The following H2BK1 variants were observed in gnomAD, a reference collection of about 807,000 sequenced individuals.
H2BK1 encodes histone H2B type 2-K1.
At chr7:151,208,661 C>T in the H2BK1 span, among the ~76,000 whole-genome samples, 2 of 152,268 alleles carry the variant, frequency 1.3e-5, no homozygotes, top group East Asian at 3.9e-4. Flanking sequence ...TGGTGGAGCA[C>T]ATAACCAGTG....
the H2BK1 span, among the ~76,000 whole-genome samples, chr7:151,209,415 G>A: frequency 6.6e-6 from 1 of 152,278 alleles, no homozygotes; most frequent in African/African-American, 2.4e-5. Flanking sequence ...TAACAGAGGG[G>A]TAAGAGTTTC....
the H2BK1 span, chr7:151,210,338 C>G: frequency 2.5e-6 from 1 of 398,250 alleles, no homozygotes; most frequent in South Asian, 1.3e-4. Flanking sequence ...TCTCGAATAG[C>G]CCTCACCCAC....
chr7:151,208,308 T>C, the H2BK1 span, among the ~76,000 whole-genome samples: 9 of 152,328 alleles, frequency 5.9e-5, no homozygotes, highest in South Asian at 2.1e-4. Flanking sequence ...CTATGGTATA[T>C]CTAAGTTTTT....
chr7:151,208,513 T>G, the H2BK1 span, among the ~76,000 whole-genome samples: 2 of 152,184 alleles, frequency 1.3e-5, no homozygotes, highest in Admixed American at 1.3e-4. Flanking sequence ...TATTCAGGAT[T>G]TGGGTTTGGG....
the H2BK1 span, chr7:151,210,165 C>T: frequency 2.5e-6 from 1 of 399,050 alleles, no homozygotes. Flanking sequence ...ATCCCTCACA[C>T]ACATCCTTGC....
chr7:151,208,500 G>A, the H2BK1 span, among the ~76,000 whole-genome samples: 14 of 152,300 alleles, frequency 9.2e-5, no homozygotes, highest in East Asian at 2.5e-3. Flanking sequence ...CTCTCTTCAC[G>A]AATATTCAGG....
chr7:151,209,938 CTCA>C, the H2BK1 span, among the ~76,000 whole-genome samples: 2 of 152,322 alleles, frequency 1.3e-5, no homozygotes, highest in East Asian at 3.9e-4. Context: ...ATCACGTTAT[CTCA>C]TCATCGTTCC....
At chr7:151,210,411 TGGGAGGG>T in the H2BK1 span, 7 of 113,438 alleles carry the variant, frequency 6.2e-5, no homozygotes, top group African/African-American at 2.6e-4. Flanking sequence ...GACATGCACC[TGGGAGGG>T]GGGGGGGGGG....
chr7:151,208,531 T>C, the H2BK1 span, among the ~76,000 whole-genome samples: 1 of 152,182 alleles, frequency 6.6e-6, no homozygotes, highest in South Asian at 2.1e-4. Context: ...GGGGTGTTTT[T>C]TGTTGTTTTT....
At chr7:151,210,374 T>C in the H2BK1 span, 2 of 300,180 alleles carry the variant, frequency 6.7e-6, no homozygotes, top group Non-Finnish European at 6.0e-6. Context: ...TTTTATCAAG[T>C]CAGCTGCCCC....
At chr7:151,209,390 C>T in the H2BK1 span, among the ~76,000 whole-genome samples, 3 of 151,740 alleles carry the variant, frequency 2.0e-5, no homozygotes, top group South Asian at 2.1e-4. Flanking sequence ...CAGGCATTAC[C>T]TCTGGGGCCT....
chr7:151,208,153 A>AG, the H2BK1 span: 170 of 927,686 alleles, frequency 1.8e-4, no homozygotes, highest in Non-Finnish European at 2.2e-4. Context: ...GGGCCAGGGG[A>AG]GGGGGGGTCC....
At chr7:151,208,045 G>A in the H2BK1 span, 2 of 1,614,024 alleles carry the variant, frequency 1.2e-6, no homozygotes, top group East Asian at 2.2e-5. Flanking sequence ...GCTCAAACAC[G>A]TCGTTTACAA....
chr7:151,208,457 G>A, the H2BK1 span, among the ~76,000 whole-genome samples: 273 of 152,280 alleles, frequency 1.8e-3, 1 homozygote, highest in African/African-American at 5.8e-3. Context: ...AGTGTTCCAC[G>A]GTATGGATGT....
the H2BK1 span, chr7:151,208,052 AC>A: frequency 1.2e-6 from 2 of 1,614,172 alleles, no homozygotes; most frequent in Non-Finnish European, 1.7e-6. Flanking sequence ...CACGTCGTTT[AC>A]AAACGAGTTC....
chr7:151,208,499 C>T, the H2BK1 span, among the ~76,000 whole-genome samples: 6 of 152,292 alleles, frequency 3.9e-5, no homozygotes, highest in African/African-American at 1.2e-4. Flanking sequence ...CCTCTCTTCA[C>T]GAATATTCAG....
At chr7:151,210,362 CTTT>C in the H2BK1 span, 1 of 257,476 alleles carries the variant, frequency 3.9e-6, no homozygotes, top group African/African-American at 2.3e-5. Flanking sequence ...CTTGGAGCTA[CTTT>C]TTATCAAGTC....
At chr7:151,209,215 C>A in the H2BK1 span, among the ~76,000 whole-genome samples, 1 of 152,002 alleles carries the variant, frequency 6.6e-6, no homozygotes, top group Admixed American at 6.6e-5. Context: ...TCAGCGATAC[C>A]CACTCCTACC....
At chr7:151,208,123 C>A in the H2BK1 span, 2 of 1,613,036 alleles carry the variant, frequency 1.2e-6, no homozygotes, top group Non-Finnish European at 1.7e-6. Context: ...GAGAGGGCAG[C>A]ACCACTCGGT....
Sources: gnomAD v4.1 joint callset for allele counts (sites outside exome capture counted in the v4.1 genomes callset) on GRCh38, gnomAD v4.1.1 for gene constraint, MANE v1.5 for transcripts, NCBI Gene and HGNC (gene_info 2026-07-23, HGNC 2026-07-21) for gene names.